Variants in C2CD5 observed in about 807,000 individuals in gnomAD.
C2CD5 encodes C2 domain-containing protein 5.
C2CD5 carries 109 observed loss-of-function variants against 130.3 expected under a neutral mutation model. That is an observed-to-expected ratio of 0.84 (90% CI 0.72 to 0.98). The LOEUF (loss-of-function observed/expected upper bound fraction) is 0.98, where lower values mean the gene tolerates loss of function less well. Ranked by LOEUF, C2CD5 falls within the 50% of genes least tolerant of loss-of-function variation. The pLI is 0.00. For missense variants in C2CD5, 996 were observed against 1,261.8 expected, an observed-to-expected ratio of 0.79 and a Z score of 3.19; for synonymous variants, 454 against 429.2, an observed-to-expected ratio of 1.06 and a Z score of -0.71.
At chr12:22,514,031 G>A (rs936293321) in intron 8 of C2CD5, among the ~76,000 whole-genome samples, 1 of 152,056 alleles carries the variant, frequency 6.6e-6, no homozygotes, top group African/African-American at 2.4e-5. Context: ...ACATAGTTAT[G>A]AATGAAAGAA....
chr12:22,490,153 T>A lies in C2CD5; in HGVS notation c.1328A>T (p.Asp443Val), dbSNP rs747110634. The change falls in exon 12 of 27, where the codon GAT (aspartate) becomes GTT (valine). Residue 443 changes from aspartate to valine, a missense_variant. Asp to Val is a radical substitution (Grantham distance 152). This residue lies in a region of C2CD5 where 590 missense variants were observed against 631.4 expected (regional missense o/e 0.93). Transcript: ENST00000446597. ...TTCCAAACAGCCTTCCACGGTGCCATCCTGCAGAAATCTAGGATTCAGTAC... is the reference window on the plus strand; with the variant it reads ...TTCCAAACAGCCTTCCACGGTGCCAACCTGCAGAAATCTAGGATTCAGTAC... Reference protein sequence around the residue: ...AAVLNPRFLQDGTVEGCLEQR... With the variant: ...AAVLNPRFLQVGTVEGCLEQR... The A allele has an allele frequency of 2.5e-6, 4 of 1,613,748 alleles. No homozygotes were observed. Among genetic ancestry groups the A allele is most frequent in the Non-Finnish European group, 3.4e-6 (4 of 1,179,726 alleles).
chr12:22,525,748 T>C, intron 4 of C2CD5, 43 bp from the exon 5 acceptor site: 1 of 881,342 alleles, frequency 1.1e-6, no homozygotes, highest in Non-Finnish European at 1.9e-6. Context: ...CTTAAGAAAG[T>C]AATGTACAAT....
At chr12:22,479,338 T>C (rs1944364264) in intron 14 of C2CD5, among the ~76,000 whole-genome samples, 1 of 152,032 alleles carries the variant, frequency 6.6e-6, no homozygotes, top group Non-Finnish European at 1.5e-5. Context: ...CCTCCTAAAG[T>C]GCTGGGATTA....
intron 26 of C2CD5, among the ~76,000 whole-genome samples, chr12:22,451,219 T>C (rs1273654347): frequency 6.6e-6 from 1 of 152,108 alleles, no homozygotes; most frequent in Non-Finnish European, 1.5e-5. Flanking sequence ...TTCAAAAATA[T>C]ATTAAAACAT....
intron 9 of C2CD5, among the ~76,000 whole-genome samples, chr12:22,512,474 G>A (rs185117661): frequency 7.0e-6 from 1 of 142,586 alleles, no homozygotes; most frequent in African/African-American, 3.0e-5. Context: ...TTAGTTAGTA[G>A]AAAAAAGAAC....
chr12:22,480,204 AC>A (rs1944503243), intron 14 of C2CD5, among the ~76,000 whole-genome samples: 1 of 152,240 alleles, frequency 6.6e-6, no homozygotes, highest in African/African-American at 2.4e-5. Context: ...ACAGCTGAGA[AC>A]ACAGACTCTG....
In C2CD5 at chr12:22,471,383, A is replaced by T. The variant is rs1207660159; in HGVS notation, c.2358+16T>A. On this transcript the variant is annotated intron_variant, in intron 20 of 26. Coordinates refer to ENST00000446597, the MANE Select transcript of C2CD5 (RefSeq NM_001286176.2). ...CAGATCAGATAAAGACTAATAATGG[A>T]CTAAATCTTAATTACCTGAATTAAT... The T allele has an allele frequency of 7.7e-7, 1 of 1,294,796 alleles. No individual in the cohort carries two copies. The highest frequency in any genetic ancestry group is 1.1e-6 in the Non-Finnish European group (1 of 894,392). 80.2% of individuals were successfully genotyped at this position (1,294,796 alleles called of 1,614,324 possible).
intron 2 of C2CD5, among the ~76,000 whole-genome samples, chr12:22,535,982 G>C (rs779594498): frequency 5.9e-5 from 9 of 152,116 alleles, no homozygotes; most frequent in Non-Finnish European, 1.2e-4. Context: ...TGTAGCAAAA[G>C]CTTGGAAACA....
At chr12:22,466,247 C>T (rs1034179605) in intron 22 of C2CD5, among the ~76,000 whole-genome samples, 2 of 151,568 alleles carry the variant, frequency 1.3e-5, no homozygotes, top group African/African-American at 4.8e-5. Context: ...TTTTAACAAT[C>T]ATCCTATTTG....
intron 22 of C2CD5, among the ~76,000 whole-genome samples, chr12:22,466,527 T>C (rs975094011): frequency 6.6e-6 from 1 of 152,184 alleles, no homozygotes; most frequent in Non-Finnish European, 1.5e-5. Flanking sequence ...CCTTCTTTCA[T>C]GTTACAACAC....
chr12:22,455,927 T>TA (rs1346072882), intron 25 of C2CD5, among the ~76,000 whole-genome samples: 4 of 152,072 alleles, frequency 2.6e-5, no homozygotes, highest in Non-Finnish European at 5.9e-5. Flanking sequence ...TCAAGCAATC[T>TA]ACCCGCCTCA....
Position 22,458,517 on chromosome 12 carries a change from C to CTGAAA in C2CD5, c.2652_2653insTTTCA (p.Ala885PhefsTer6). The CTGAAA allele has an allele frequency of 7.7e-7, 1 of 1,303,924 alleles. No individual in the cohort carries two copies. Among genetic ancestry groups the CTGAAA allele is most frequent in the Non-Finnish European group, 9.8e-7 (1 of 1,023,468 alleles). 80.8% of individuals were successfully genotyped at this position (1,303,924 alleles called of 1,614,324 possible). ...ATTGATCCACGCCTTATGGTCTGAGCTTTCAGTTTAATGAGCTCTATCCAG... is the reference window on the plus strand; with the variant it reads ...ATTGATCCACGCCTTATGGTCTGAGCTGAAATTTCAGTTTAATGAGCTCTATCCAG... On this transcript the variant is annotated frameshift_variant, in exon 24 of 27. Transcript: ENST00000446597. LOFTEE classifies it high-confidence loss of function.
chr12:22,465,002 G>GA (rs1160347054), intron 22 of C2CD5, among the ~76,000 whole-genome samples: 3 of 151,506 alleles, frequency 2.0e-5, no homozygotes, highest in East Asian at 3.9e-4. Flanking sequence ...TCTCTAAAAA[G>GA]AAAAAAAATC....
chr12:22,472,087 A>G, intron 18 of C2CD5, 22 bp from the exon 19 acceptor site: 1 of 1,295,026 alleles, frequency 7.7e-7, no homozygotes, highest in Non-Finnish European at 1.1e-6. Context: ...GTGACATAAC[A>G]TGTCATTTTA....
intron 22 of C2CD5, 85 bp downstream of exon 22, chr12:22,469,624 G>C: frequency 1.4e-6 from 1 of 704,156 alleles, no homozygotes; most frequent in Non-Finnish European, 2.3e-6. Context: ...TCACCTCAAG[G>C]TTAGTAAGAT....
At chr12:22,528,810 G>A (rs1950955084) in intron 3 of C2CD5, among the ~76,000 whole-genome samples, 1 of 151,870 alleles carries the variant, frequency 6.6e-6, no homozygotes, top group African/African-American at 2.4e-5. Flanking sequence ...TACTCTGGTT[G>A]GTTTTTTAAA....
rs568927652 is a variant in C2CD5 at position 22,506,929 on chromosome 12, G to A, written c.1039-110C>T. 21 of 684,590 alleles carry A rather than the reference G, an allele frequency of 3.1e-5. No individual in the cohort carries two copies. In the South Asian group the frequency reaches 3.1e-4, roughly 10 times the overall value. 42.4% of individuals were successfully genotyped at this position (684,590 alleles called of 1,614,324 possible). ...TGTATTACATCCCTTGAAATAAAAG[G>A]CCACCCATTACACATCACACATGCT... On this transcript the variant is annotated intron_variant, in intron 9 of 26. Transcript: ENST00000446597.
intron 23 of C2CD5, 25 bp downstream of exon 23, chr12:22,459,467 T>A: frequency 6.8e-7 from 1 of 1,477,156 alleles, no homozygotes; most frequent in East Asian, 2.5e-5. Context: ...CTTTGGTGAC[T>A]ATTTGCTTAA....
In C2CD5 at chr12:22,478,029, T is replaced by A. The variant is rs74068598; in HGVS notation, c.1902+284A>T. On this transcript the variant is annotated intron_variant, in intron 15 of 26. Coordinates refer to ENST00000446597, the MANE Select transcript of C2CD5 (RefSeq NM_001286176.2). ...CACACACTCACACACACACACACAC[T>A]CACACACACACACACTCACAAAGAT... 4.1e-3 allele frequency: 1,273 copies of A among 308,624 alleles called. 11 individuals are homozygous for A. In the East Asian group the frequency reaches 0.051, roughly 12 times the overall value. The allele number at this position is 308,624 out of a possible 1,614,324, so 19.1% of individuals were successfully genotyped here.
Sources: gnomAD v4.1 joint callset for allele counts (sites outside exome capture counted in the v4.1 genomes callset) on GRCh38, gnomAD v4.1.1 for gene constraint, gnomAD v4.1.1 regional missense constraint, MANE v1.5 for transcripts, NCBI Gene and HGNC (gene_info 2026-07-23, HGNC 2026-07-21) for gene names.